Variants in ZNF385D observed in about 807,000 individuals in gnomAD.
ZNF385D encodes the protein zinc finger protein 659.
ZNF385D carries 15 observed loss-of-function variants against 35.8 expected under a neutral mutation model. The observed-to-expected ratio is 0.42, with a 90% CI of 0.28 to 0.64. ZNF385D has a LOEUF of 0.64. Ranked by LOEUF, ZNF385D falls within the 30% of genes least tolerant of loss-of-function variation. The probability of loss-of-function intolerance (pLI) is 0.23; values close to 1 mark genes in which losing one functional copy is unlikely to be tolerated. For missense variants in ZNF385D, 474 were observed against 494.6 expected (o/e 0.96, Z 0.39); for synonymous variants, 212 against 186.8 (o/e 1.13, Z -1.10).
chr3:21,804,179 T>C (rs1320470147), intron 3 of ZNF385D, among the ~76,000 whole-genome samples: 1 of 152,218 alleles, frequency 6.6e-6, no homozygotes, highest in East Asian at 1.9e-4. Flanking sequence ...ACAAGTATGA[T>C]GAAATGAAAA....
chr3:22,167,620 A>C (rs904501528), intron 3 of ZNF385D, among the ~76,000 whole-genome samples: 6 of 152,202 alleles, frequency 3.9e-5, no homozygotes, highest in African/African-American at 1.4e-4. Context: ...CACATGACAG[A>C]AACAGCAGTG....
chr3:21,531,005 T>G (rs2061909059), intron 3 of ZNF385D, among the ~76,000 whole-genome samples: 2 of 152,282 alleles, frequency 1.3e-5, no homozygotes, highest in Admixed American at 6.5e-5. Context: ...GACCCACACT[T>G]GCCAACCACA....
At chr3:21,583,989 T>TA (rs1559431678) in intron 2 of ZNF385D, among the ~76,000 whole-genome samples, 89 of 151,006 alleles carry the variant, frequency 5.9e-4, no homozygotes, top group South Asian at 1.0e-3. Context: ...TTTATTTATT[T>TA]TTTGAGACAG....
At chr3:22,143,059 TTGTGTGTGTGTGTGTGTGTG>T (rs57448532) in intron 3 of ZNF385D, among the ~76,000 whole-genome samples, 18 of 140,996 alleles carry the variant, frequency 1.3e-4, no homozygotes, top group Middle Eastern at 3.6e-3. Context: ...ATTAAATCGG[TTGTGTGTGTGTGTGTGTGTG>T]TGTGTGTGTG....
At chr3:21,942,999 A>G (rs1311178902) in intron 3 of ZNF385D, among the ~76,000 whole-genome samples, 3 of 152,186 alleles carry the variant, frequency 2.0e-5, no homozygotes, top group Non-Finnish European at 4.4e-5. Flanking sequence ...GACAATGGTT[A>G]AGAACTTATA....
chr3:21,880,510 A>C (rs78000593), intron 3 of ZNF385D, among the ~76,000 whole-genome samples: 2,801 of 152,044 alleles, frequency 0.018, 87 homozygotes, highest in African/African-American at 0.063. Context: ...TTCATTGATA[A>C]ATGTTGTGTC....
At chr3:21,772,183 T>C (rs571808625) in intron 3 of ZNF385D, among the ~76,000 whole-genome samples, 5 of 152,048 alleles carry the variant, frequency 3.3e-5, no homozygotes, top group East Asian at 3.9e-4. Context: ...ATTTCTTGGA[T>C]ATCACAGAAA....
At chr3:21,448,795 T>A (rs530555298) in intron 4 of ZNF385D, among the ~76,000 whole-genome samples, 1 of 152,108 alleles carries the variant, frequency 6.6e-6, no homozygotes, top group African/African-American at 2.4e-5. Context: ...TATAAACTTA[T>A]CATCTCTCCT....
chr3:21,852,211 C>T (rs1696425800), intron 3 of ZNF385D, among the ~76,000 whole-genome samples: 1 of 151,830 alleles, frequency 6.6e-6, no homozygotes, highest in Admixed American at 6.6e-5. Flanking sequence ...TTATTGTTTC[C>T]TAAAGCTACA....
chr3:22,002,986 C>T (rs1454493019), intron 3 of ZNF385D, among the ~76,000 whole-genome samples: 2 of 152,100 alleles, frequency 1.3e-5, no homozygotes, highest in Admixed American at 6.6e-5. Flanking sequence ...TGGGGAAAAG[C>T]TGGAAGCCTT....
At chr3:21,616,366 C>T (rs73819364) in intron 2 of ZNF385D, among the ~76,000 whole-genome samples, 13,060 of 152,100 alleles carry the variant, frequency 0.086, 1,048 homozygotes, top group African/African-American at 0.21. Context: ...TATACAGATA[C>T]CTGACTCACT....
At chr3:21,428,392 T>A (rs978141453) in intron 5 of ZNF385D, among the ~76,000 whole-genome samples, 3 of 152,088 alleles carry the variant, frequency 2.0e-5, no homozygotes, top group African/African-American at 7.2e-5. Context: ...CAAGCATTAC[T>A]TGAAGTCCCT....
intron 3 of ZNF385D, among the ~76,000 whole-genome samples, chr3:22,154,765 C>T (rs1234369354): frequency 6.6e-6 from 1 of 152,152 alleles, no homozygotes; most frequent in Admixed American, 6.6e-5. Flanking sequence ...TGGCATTGCT[C>T]ATAAGAGTAA....
chr3:22,171,876 CAAAAAAAAAA>C (rs370469654), intron 2 of ZNF385D, among the ~76,000 whole-genome samples: 35 of 100,762 alleles, frequency 3.5e-4, no homozygotes, highest in Admixed American at 6.9e-4. Context: ...GACTCGGTCT[CAAAAAAAAAA>C]AAAAAAAAAA....
chr3:21,544,772 T>C (rs60086939), intron 3 of ZNF385D, among the ~76,000 whole-genome samples: 1,871 of 152,310 alleles, frequency 0.012, 49 homozygotes, highest in African/African-American at 0.043. Flanking sequence ...TAAATAACTT[T>C]TTGGCAATCT....
intron 2 of ZNF385D, among the ~76,000 whole-genome samples, chr3:22,217,903 T>C (rs983037771): frequency 6.6e-6 from 1 of 152,154 alleles, no homozygotes; most frequent in African/African-American, 2.4e-5. Context: ...TGTATTCTCT[T>C]GGAGAATATT....
chr3:21,863,849 C>A (rs1697187975), intron 3 of ZNF385D, among the ~76,000 whole-genome samples: 1 of 152,044 alleles, frequency 6.6e-6, no homozygotes, highest in Non-Finnish European at 1.5e-5. Flanking sequence ...CAATGCCAAC[C>A]CAGGCCTCTA....
rs140267538 is a variant in ZNF385D, at chr3:21,603,410, C to T, written c.166-38726G>A. 4.4e-3 allele frequency among the ~76,000 whole-genome samples: 671 copies of T among 152,284 alleles called. 3 individuals are homozygous for T. The highest frequency in any genetic ancestry group is 6.8e-3 in the Middle Eastern group (2 of 294). On this transcript the variant is annotated intron_variant, in intron 2 of 7. Coordinates refer to ENST00000281523, the MANE Select transcript of ZNF385D (RefSeq NM_024697.3). The stretch of plus-strand genomic sequence containing the variant: ...TTCTGGTAACATCATATTCTCCTAT[C>T]CTTAGGTACATTAATGATGCCTTAA...
rs7611454 is a variant in ZNF385D at position 21,759,456 on chromosome 3, G to C, written c.326-94428C>G. The stretch of plus-strand genomic sequence containing the variant: ...TGAGATCTCCCATTCAAGGAAAAAG[G>C]CTTAAATTTTATTTGACAGACAGTG... On this transcript the variant is annotated intron_variant, in intron 3 of 5. Coordinates refer to the ZNF385D transcript ENST00000494108. 8.8e-3 allele frequency among the ~76,000 whole-genome samples: 1,336 copies of C among 152,090 alleles called. 21 individuals are homozygous for C. The highest frequency in any genetic ancestry group is 0.03 in the African/African-American group (1,252 of 41,380).
Sources: allele counts gnomAD v4.1 joint callset (sites outside exome capture counted in the v4.1 genomes callset), GRCh38; gene constraint gnomAD v4.1.1; transcripts MANE v1.5; gene names NCBI Gene and HGNC (gene_info 2026-07-23, HGNC 2026-07-21).